UNC5D: variants seen among roughly 807,000 people sequenced by gnomAD.
UNC5D encodes the protein netrin receptor UNC5D.
A neutral mutation model predicts 105.4 loss-of-function variants in UNC5D; 39 were observed. The observed-to-expected ratio is 0.37, with a 90% CI of 0.29 to 0.48. UNC5D has a LOEUF of 0.48. Among genes scored for constraint, UNC5D ranks in the 20% least tolerant of loss-of-function variants. UNC5D has a pLI of 0.98. For missense variants in UNC5D, 991 were observed against 1,202.4 expected, an observed-to-expected ratio of 0.82 and a Z score of 2.60; for synonymous variants, 452 against 450.4, an observed-to-expected ratio of 1.00 and a Z score of -0.04.
intron 4 of UNC5D, among the ~76,000 whole-genome samples, chr8:35,610,976 G>A (rs1475291282): frequency 3.5e-5 from 3 of 84,888 alleles, no homozygotes; most frequent in African/African-American, 9.4e-5. Flanking sequence ...GAGAAAAAAT[G>A]TTTTCTTTGT....
intron 1 of UNC5D, among the ~76,000 whole-genome samples, chr8:35,421,944 T>G (rs1805931973): frequency 6.6e-6 from 1 of 152,232 alleles, no homozygotes; most frequent in East Asian, 1.9e-4. Context: ...AGACTCAAGA[T>G]AAAAGCCAAA....
intron 11 of UNC5D, among the ~76,000 whole-genome samples, chr8:35,741,253 ATCTC>A (rs907031216): frequency 4.6e-5 from 7 of 152,146 alleles, no homozygotes; most frequent in Non-Finnish European, 7.3e-5. Context: ...AAACAGGGTA[ATCTC>A]TCTGTGTGGT....
At chr8:35,562,062 C>T (rs974167149) in intron 2 of UNC5D, among the ~76,000 whole-genome samples, 7 of 152,136 alleles carry the variant, frequency 4.6e-5, no homozygotes, top group Non-Finnish European at 1.0e-4. Context: ...AACCACCAGT[C>T]TACTCTCTAT....
intron 1 of UNC5D, among the ~76,000 whole-genome samples, chr8:35,326,651 A>G (rs1217533979): frequency 6.6e-6 from 1 of 152,118 alleles, no homozygotes; most frequent in Non-Finnish European, 1.5e-5. Context: ...CTACTTGGGA[A>G]GCTGAGGCAG....
chr8:35,438,237 T>C (rs1003081043), intron 1 of UNC5D, among the ~76,000 whole-genome samples: 47 of 152,048 alleles, frequency 3.1e-4, no homozygotes, highest in African/African-American at 1.1e-3. Context: ...TTAGTAATAA[T>C]GGGATTTTGA....
rs1307605256 is a variant in UNC5D, at chr8:35,619,215, G to T, written c.570+23558G>T. The stretch of plus-strand genomic sequence containing the variant: ...ATATAGAAGGGATTTGATAACTTCT[G>T]TTGGCCAGGGTGATCAACCAAGACA... On this transcript the variant is annotated intron_variant, in intron 4 of 16. Coordinates refer to ENST00000404895, the MANE Select transcript of UNC5D (RefSeq NM_080872.4). Among the ~76,000 whole-genome samples, 6 of 152,294 alleles carry T rather than the reference G, an allele frequency of 3.9e-5. No homozygotes were observed. In the East Asian group the frequency reaches 1.2e-3, roughly 29 times the overall value.
chr8:35,429,222 G>A (rs2128973617), intron 1 of UNC5D, among the ~76,000 whole-genome samples: 1 of 152,238 alleles, frequency 6.6e-6, no homozygotes, highest in Non-Finnish European at 1.5e-5. Context: ...AATCCTGTGG[G>A]TTAGTCTTTT....
intron 1 of UNC5D, among the ~76,000 whole-genome samples, chr8:35,505,350 G>A (rs1812244300): frequency 6.6e-6 from 1 of 152,216 alleles, no homozygotes; most frequent in South Asian, 2.1e-4. Flanking sequence ...AAGAAAATAG[G>A]TCTTAGTACA....
intron 1 of UNC5D, among the ~76,000 whole-genome samples, chr8:35,337,257 G>C (rs1315553033): frequency 1.3e-5 from 2 of 152,026 alleles, no homozygotes; most frequent in African/African-American, 4.8e-5. Context: ...TAGTATGCAA[G>C]ACCTTATTTT....
intron 4 of UNC5D, among the ~76,000 whole-genome samples, chr8:35,634,819 T>C (rs891674480): frequency 3.3e-5 from 5 of 151,198 alleles, no homozygotes; most frequent in African/African-American, 1.2e-4. Context: ...TGGGCTGGAG[T>C]GCAATGGCAG....
At position 35,743,050 on chromosome 8, in the gene UNC5D, C is replaced by G. The variant is rs146472898; in HGVS notation, c.1767-5477C>G. ...AGTGGTGATTTCTGAGATTTTGGTG[C>G]ACACATCACCCAAGCGGTGTATACT... On this transcript the variant is annotated intron_variant, in intron 11 of 16. Coordinates refer to ENST00000404895, the MANE Select transcript of UNC5D (RefSeq NM_080872.4). Among the ~76,000 whole-genome samples the G allele has an allele frequency of 8.5e-5, 13 of 152,244 alleles. No individual in the cohort carries two copies. In the South Asian group the frequency reaches 2.1e-3, roughly 24 times the overall value.
At chr8:35,497,065 T>C (rs778933000) in intron 1 of UNC5D, among the ~76,000 whole-genome samples, 4 of 152,294 alleles carry the variant, frequency 2.6e-5, no homozygotes, top group Non-Finnish European at 2.9e-5. Context: ...TCATAGGGAA[T>C]GAAGACCCCA....
chr8:35,693,677 C>T (rs537288063), intron 7 of UNC5D, among the ~76,000 whole-genome samples: 2 of 152,104 alleles, frequency 1.3e-5, no homozygotes. Context: ...AGTTATTCTG[C>T]TTGTCTCTCT....
At chr8:35,431,528 C>T (rs996591133) in intron 1 of UNC5D, among the ~76,000 whole-genome samples, 4 of 151,910 alleles carry the variant, frequency 2.6e-5, no homozygotes, top group African/African-American at 9.7e-5. Context: ...AAAACCAATG[C>T]TAGAAAGAAA....
chr8:35,353,448 G>GT (rs1812387741), intron 1 of UNC5D, among the ~76,000 whole-genome samples: 1 of 152,154 alleles, frequency 6.6e-6, no homozygotes, highest in African/African-American at 2.4e-5. Flanking sequence ...CTTTGGGATT[G>GT]TAACTTTATA....
Position 35,709,201 on chromosome 8 carries a change from A to C in UNC5D, c.1117+3240A>C, listed in dbSNP as rs144286911. 2.9e-3 allele frequency among the ~76,000 whole-genome samples: 448 copies of C among 152,208 alleles called. 2 individuals are homozygous for C. Among genetic ancestry groups the C allele is most frequent in the African/African-American group, 9.9e-3 (410 of 41,502 alleles). On this transcript the variant is annotated intron_variant, in intron 8 of 16. Transcript: ENST00000404895. ...GAGGTGTTCTGGGTGGTGGAGAATC[A>C]ACACTGAGCAAAACACATACAGCTT...
intron 4 of UNC5D, among the ~76,000 whole-genome samples, chr8:35,638,614 TG>T (rs2131116467): frequency 6.6e-6 from 1 of 151,950 alleles, no homozygotes; most frequent in East Asian, 1.9e-4. Flanking sequence ...GGCAACATAC[TG>T]AGACCTCATC....
At chr8:35,468,189 A>G (rs183571463) in intron 1 of UNC5D, among the ~76,000 whole-genome samples, 351 of 152,302 alleles carry the variant, frequency 2.3e-3, no homozygotes, top group Non-Finnish European at 3.5e-3. Context: ...GGATTGCCCT[A>G]TATTAGAGTA....
intron 1 of UNC5D, among the ~76,000 whole-genome samples, chr8:35,508,912 G>A (rs969139587): frequency 2.6e-5 from 4 of 152,164 alleles, no homozygotes; most frequent in African/African-American, 9.7e-5. Context: ...GCATGCCTCA[G>A]GTTTGATTTA....
Sources: allele counts gnomAD v4.1 joint callset (sites outside exome capture counted in the v4.1 genomes callset), GRCh38; gene constraint gnomAD v4.1.1; transcripts MANE v1.5; gene names NCBI Gene and HGNC (gene_info 2026-07-23, HGNC 2026-07-21).